KCND3: variants seen among roughly 807,000 people sequenced by gnomAD.
The protein encoded by KCND3 is potassium voltage-gated channel subfamily D member 3.
KCND3 carries 9 observed loss-of-function variants against 51.1 expected under a neutral mutation model. The ratio of observed to expected loss-of-function variants is 0.18; its 90% confidence interval spans 0.11 to 0.31. The LOEUF (loss-of-function observed/expected upper bound fraction) is 0.31. Among genes scored for constraint, KCND3 ranks in the 10% least tolerant of loss-of-function variants. The probability of loss-of-function intolerance (pLI) is 1.00; values close to 1 mark genes in which losing one functional copy is unlikely to be tolerated. For synonymous variants in KCND3, 349 were observed against 368.0 expected (o/e 0.95, Z 0.59); for missense variants, 526 against 903.8 (o/e 0.58, Z 5.36).
chr1:111,885,758 C>T (rs978201045), intron 2 of KCND3, among the ~76,000 whole-genome samples: 8 of 152,082 alleles, frequency 5.3e-5, no homozygotes, highest in African/African-American at 1.4e-4. Flanking sequence ...CTGCAACCTC[C>T]GCCTTCTGGT....
At chr1:111,848,114 G>T (rs2101656778) in intron 2 of KCND3, among the ~76,000 whole-genome samples, 1 of 152,366 alleles carries the variant, frequency 6.6e-6, no homozygotes, top group Middle Eastern at 3.4e-3. Flanking sequence ...ACAGACTGGA[G>T]CATATGCCTT....
chr1:111,813,333 T>G (rs1665941819), intron 2 of KCND3, among the ~76,000 whole-genome samples: 2 of 152,254 alleles, frequency 1.3e-5, no homozygotes, highest in South Asian at 4.1e-4. Flanking sequence ...CTTTAGAAAA[T>G]TACATATTTT....
intron 2 of KCND3, among the ~76,000 whole-genome samples, chr1:111,889,613 T>C (rs1277677477): frequency 2.0e-5 from 3 of 152,054 alleles, no homozygotes; most frequent in Non-Finnish European, 4.4e-5. Context: ...AGGAGACAGG[T>C]CTATGCCTGT....
Position 111,829,813 on chromosome 1 carries a change from C to G in KCND3, c.1107-42707G>C, listed in dbSNP as rs79704521. Among the ~76,000 whole-genome samples the G allele has an allele frequency of 1.8e-3, 277 of 152,314 alleles. 1 individual carries two copies. The highest frequency in any genetic ancestry group is 2.8e-3 in the Non-Finnish European group (193 of 68,024). On this transcript the variant is annotated intron_variant, in intron 2 of 7. Transcript: ENST00000302127. ...TTGCTAACAAAATGGATTATCCCCC[C>G]CAAATGCTTCTCCTGTTGGGTGCCC... is the stretch of plus-strand genomic sequence containing the variant.
intron 2 of KCND3, among the ~76,000 whole-genome samples, chr1:111,902,005 C>G (rs1317575482): frequency 1.3e-5 from 2 of 152,178 alleles, no homozygotes; most frequent in African/African-American, 4.8e-5. Context: ...GAGTAAGATC[C>G]CACGTGCTCA....
At chr1:111,822,748 T>C (rs545775344) in intron 2 of KCND3, among the ~76,000 whole-genome samples, 1 of 152,234 alleles carries the variant, frequency 6.6e-6, no homozygotes, top group Non-Finnish European at 1.5e-5. Flanking sequence ...GAAGTGGAAT[T>C]GCTGGATCAT....
chr1:111,983,575 T>C (rs1237520214), intron 1 of KCND3, among the ~76,000 whole-genome samples: 2 of 152,176 alleles, frequency 1.3e-5, no homozygotes, highest in South Asian at 2.1e-4. Context: ...GAAGGGCGTC[T>C]TGGCTTCTTG....
chr1:111,887,471 A>G (rs1227323121), intron 2 of KCND3, among the ~76,000 whole-genome samples: 8 of 152,108 alleles, frequency 5.3e-5, no homozygotes, highest in Admixed American at 5.2e-4. Context: ...AGGCTTCTCA[A>G]CCTCCTCTGG....
At chr1:111,927,852 T>A (rs11588747) in intron 2 of KCND3, among the ~76,000 whole-genome samples, 1 of 151,988 alleles carries the variant, frequency 6.6e-6, no homozygotes, top group African/African-American at 2.4e-5. Context: ...CTCTTCCCTC[T>A]CCACAGCACT....
At chr1:111,918,184 T>TGC (rs1671312104) in intron 2 of KCND3, among the ~76,000 whole-genome samples, 1 of 152,178 alleles carries the variant, frequency 6.6e-6, no homozygotes, top group South Asian at 2.1e-4. Flanking sequence ...GAAATAAGTG[T>TGC]GCACAAGAAA....
chr1:111,880,274 G>T (rs2101735838), intron 2 of KCND3, among the ~76,000 whole-genome samples: 1 of 152,286 alleles, frequency 6.6e-6, no homozygotes, highest in South Asian at 2.1e-4. Flanking sequence ...CTGAGACATG[G>T]TCTTGGTCCT....
At chr1:111,913,137 C>T (rs1671043192) in intron 2 of KCND3, among the ~76,000 whole-genome samples, 1 of 152,096 alleles carries the variant, frequency 6.6e-6, no homozygotes, top group Middle Eastern at 3.4e-3. Flanking sequence ...TTTACTGTAC[C>T]TTTTCTATGT....
intron 2 of KCND3, among the ~76,000 whole-genome samples, chr1:111,892,703 G>T (rs17028976): frequency 0.08 from 12,172 of 152,220 alleles, 539 homozygotes; most frequent in East Asian, 0.18. Flanking sequence ...ATGGAGTGGG[G>T]CTCCCCTAGA....
At chr1:111,936,083 TAC>T (rs1278936806) in intron 2 of KCND3, among the ~76,000 whole-genome samples, 5 of 152,250 alleles carry the variant, frequency 3.3e-5, no homozygotes, top group Non-Finnish European at 2.9e-5. Context: ...ATTTGCTGAT[TAC>T]ACACAGTCAC....
intron 2 of KCND3, among the ~76,000 whole-genome samples, chr1:111,841,483 C>A (rs1219431313): frequency 1.3e-5 from 2 of 152,222 alleles, no homozygotes; most frequent in Admixed American, 6.5e-5. Flanking sequence ...GCTTGCTGGG[C>A]AACTCTTCTG....
At chr1:111,947,792 A>G (rs539499281) in intron 2 of KCND3, among the ~76,000 whole-genome samples, 3 of 152,242 alleles carry the variant, frequency 2.0e-5, no homozygotes, top group Non-Finnish European at 4.4e-5. Flanking sequence ...CCAGCTGTTT[A>G]AGAATTGTCA....
chr1:111,972,036 A>G (rs1257293175), intron 2 of KCND3, among the ~76,000 whole-genome samples: 1 of 152,172 alleles, frequency 6.6e-6, no homozygotes, highest in East Asian at 1.9e-4. Flanking sequence ...CCTGATCAAT[A>G]CACACTGGAC....
At chr1:111,943,654 T>C (rs141673942) in intron 2 of KCND3, among the ~76,000 whole-genome samples, 100 of 152,320 alleles carry the variant, frequency 6.6e-4, no homozygotes, top group African/African-American at 2.3e-3. Context: ...GTGCATCACC[T>C]GGACAGTCCC....
chr1:111,922,216 G>T (rs1245470247), intron 2 of KCND3, among the ~76,000 whole-genome samples: 1 of 152,234 alleles, frequency 6.6e-6, no homozygotes, highest in Non-Finnish European at 1.5e-5. Flanking sequence ...AGGAGAAAAG[G>T]AAGGGAGACA....
Sources: allele counts gnomAD v4.1 joint callset (sites outside exome capture counted in the v4.1 genomes callset), GRCh38; gene constraint gnomAD v4.1.1; transcripts MANE v1.5; gene names NCBI Gene and HGNC (gene_info 2026-07-23, HGNC 2026-07-21).